The following SKOR2 variants were observed in gnomAD, a reference collection of about 807,000 sequenced individuals.
SKOR2 encodes the protein LBX1 corepressor 1-like protein.
In SKOR2, 47 loss-of-function variants were observed where a neutral mutation model predicts 69.1. The ratio of observed to expected loss-of-function variants is 0.68; its 90% confidence interval spans 0.54 to 0.87. The LOEUF (loss-of-function observed/expected upper bound fraction) is 0.87. Among genes scored for constraint, SKOR2 ranks in the 40% least tolerant of loss-of-function variants. SKOR2 has a pLI of 0.00. For synonymous variants in SKOR2, 717 were observed against 672.6 expected, an observed-to-expected ratio of 1.07 and a Z score of -1.02; for missense variants, 1,404 against 1,472.2, an observed-to-expected ratio of 0.95 and a Z score of 0.76.
Position 47,248,624 on chromosome 18 carries a change from A to G in SKOR2, c.560T>C (p.Ile187Thr). The change falls in exon 2 of 9, where the codon ATT becomes ACT. Residue 187 changes from isoleucine to threonine, a missense_variant. Coordinates refer to ENST00000425639, the MANE Select transcript of SKOR2 (RefSeq NM_001278063.4). This position sits in a 1 kb window ranked among gnomAD's most constrained non-coding sequence, Gnocchi z 6.4. ...CNMYFSPNKF[I>T]FHSHRTPDAK... ...GTCGGGCGTGCGGTGGGAGTGGAAAATGAACTTGTTGGGCGAGAAGTACAT... is the reference window on the plus strand; with the variant it reads ...GTCGGGCGTGCGGTGGGAGTGGAAAGTGAACTTGTTGGGCGAGAAGTACAT... 6.4e-7 allele frequency: 1 copy of G among 1,553,148 alleles called. No homozygotes were observed. The highest frequency in any genetic ancestry group is 8.7e-7 in the Non-Finnish European group (1 of 1,154,820).
chr18:47,244,262 C>A (rs1005353235), intron 4 of SKOR2, among the ~76,000 whole-genome samples: 1 of 152,164 alleles, frequency 6.6e-6, no homozygotes, highest in Non-Finnish European at 1.5e-5. Flanking sequence ...AGGATAACAA[C>A]CTCGTTTGAC....
chr18:47,234,051 A>G (rs1304825673), intron 4 of SKOR2, among the ~76,000 whole-genome samples: 1 of 152,216 alleles, frequency 6.6e-6, no homozygotes, highest in Non-Finnish European at 1.5e-5. Flanking sequence ...CGAATGCCTC[A>G]CTTACAAAGG....
In SKOR2 at chr18:47,248,424, G is replaced by C. The variant is rs1273026589; in HGVS notation, c.760C>G (p.His254Asp). 1 of 1,532,016 alleles carries C rather than the reference G, an allele frequency of 6.5e-7. No individual in the cohort carries two copies. The highest frequency in any genetic ancestry group is 8.7e-7 in the Non-Finnish European group (1 of 1,144,632). 94.9% of individuals were successfully genotyped at this position (1,532,016 alleles called of 1,614,324 possible). A position where few individuals can be genotyped will look rare whatever the true frequency, so the allele number is the denominator to read the frequency against. ...LPQPGAHPAC[H>D]PLSSVKAAAV... ...GCCGCCTTCACAGAGCTGAGCGGGT[G>C]GCAGGCGGGGTGCGCGCCCGGCTGG... Residue 254 changes from histidine to aspartate, a missense_variant, in exon 2 of 9, where the codon CAC becomes GAC. Physicochemically the swap from His to Asp is moderately conservative, Grantham distance 81. Coordinates refer to ENST00000425639, the MANE Select transcript of SKOR2 (RefSeq NM_001278063.4). This position sits in a 1 kb window ranked among gnomAD's most constrained non-coding sequence, Gnocchi z 6.4.
intron 1 of SKOR2, among the ~76,000 whole-genome samples, chr18:47,251,122 G>C: frequency 7.0e-6 from 1 of 143,148 alleles, no homozygotes; most frequent in East Asian, 2.1e-4. Flanking sequence ...ATTATTTTTT[G>C]GGTGGGTGGG....
In SKOR2 at chr18:47,247,590, G is replaced by T; in HGVS notation, c.1594C>A (p.Pro532Thr). The change falls in exon 2 of 9, where the codon CCC becomes ACC. Residue 532 changes from proline to threonine, a missense_variant. This residue lies in a region of SKOR2 where 1,266 missense variants were observed against 1,309.9 expected (regional missense o/e 0.97). Coordinates refer to ENST00000425639, the MANE Select transcript of SKOR2 (RefSeq NM_001278063.4). This position sits in a 1 kb window ranked among gnomAD's most constrained non-coding sequence, Gnocchi z 6.6. ...GGGCCGTTGGCCACTACCTGCGGGG[G>T]CTGCCCCGGCGGGGGCGCGGCCTCG... ...SAEAAPPPGQ[P>T]PQVVANGPGS... 7.9e-7 allele frequency: 1 copy of T among 1,262,716 alleles called. No homozygotes were observed. The highest frequency in any genetic ancestry group is 9.9e-7 in the Non-Finnish European group (1 of 1,006,658). 78.2% of individuals were successfully genotyped at this position (1,262,716 alleles called of 1,614,324 possible).
chr18:47,244,207 GCT>G (rs2064260970), intron 4 of SKOR2, among the ~76,000 whole-genome samples: 2 of 152,092 alleles, frequency 1.3e-5, no homozygotes, highest in South Asian at 4.2e-4. Context: ...TTCCTAGCTT[GCT>G]CTCTCTGTCT....
chr18:47,222,956 T>A (rs908047317), intron 6 of SKOR2, among the ~76,000 whole-genome samples: 3 of 151,566 alleles, frequency 2.0e-5, no homozygotes, highest in Non-Finnish European at 4.4e-5. Context: ...TAATGGCAAA[T>A]TTTTTTTTAA....
At position 47,248,140 on chromosome 18, in the gene SKOR2, A is replaced by G. The variant is rs2144518497; in HGVS notation, c.1044T>C (p.Gly348=). Residue 348 remains glycine, a synonymous_variant, in exon 2 of 9, where the codon GGT becomes GGC. Transcript: ENST00000425639. This position sits in a 1 kb window ranked among gnomAD's most constrained non-coding sequence, Gnocchi z 6.4. ...VAAASGGAGT[G]GGGAGGGCVA... is the part of the protein sequence containing the mutation. ...CACAGCCACCCCCAGCGCCGCCCCC[A>G]CCAGTCCCCGCGCCGCCCGAAGCAG... is the stretch of plus-strand genomic sequence containing the variant. 2 of 1,270,776 alleles carry G rather than the reference A, an allele frequency of 1.6e-6. No individual in the cohort carries two copies. Among genetic ancestry groups the G allele is most frequent in the South Asian group, 3.0e-5 (1 of 33,466 alleles). The allele number at this position is 1,270,776 out of a possible 1,614,324, so 78.7% of individuals were successfully genotyped here. A position where few individuals can be genotyped will look rare whatever the true frequency, so the allele number is the denominator to read the frequency against.
chr18:47,245,478 A>AT lies in SKOR2; in HGVS notation c.2677+19dup, dbSNP rs10670977. 7.5e-3 allele frequency: 8,938 copies of AT among 1,196,668 alleles called. 26 individuals are homozygous for AT. The highest frequency in any genetic ancestry group is 0.026 in the African/African-American group (1,137 of 43,742). 74.1% of individuals were successfully genotyped at this position (1,196,668 alleles called of 1,614,324 possible). The stretch of plus-strand genomic sequence containing the variant: ...ATGCAGGCAAGAAAAGTGGCAGCTG[A>AT]TTTTTTTTTTTTTTTTTACCTGAAA... On this transcript the variant is annotated intron_variant, in intron 3 of 8. Coordinates refer to ENST00000425639, the MANE Select transcript of SKOR2 (RefSeq NM_001278063.4).
chr18:47,243,978 GAT>G (rs1169220216), intron 4 of SKOR2, among the ~76,000 whole-genome samples: 7 of 152,126 alleles, frequency 4.6e-5, no homozygotes, highest in Non-Finnish European at 7.4e-5. Context: ...AATATCTGAT[GAT>G]ATATAAAGCT....
chr18:47,247,652 AG>A lies in SKOR2; in HGVS notation c.1531del (p.Leu511TrpfsTer25). ...AGCACCGCCTGGCTCAGCCAGGTCC[AG>A]GAAGGCCTGGCGCAGCAGGGCCGGG... ...ESPALLRQAF[L>X]DLAEPGGAAG... is the part of the protein sequence containing the mutation. On this transcript the variant is annotated frameshift_variant, in exon 2 of 9. Transcript: ENST00000425639. LOFTEE classifies it high-confidence loss of function. This position sits in a 1 kb window ranked among gnomAD's most constrained non-coding sequence, Gnocchi z 6.6. 1 of 1,363,428 alleles carries A rather than the reference AG, an allele frequency of 7.3e-7. No homozygotes were observed. The highest frequency in any genetic ancestry group is 9.4e-7 in the Non-Finnish European group (1 of 1,061,742). The allele number at this position is 1,363,428 out of a possible 1,614,324, so 84.5% of individuals were successfully genotyped here.
chr18:47,251,230 C>T (rs1324697735), intron 1 of SKOR2, 144 bp downstream of exon 1: 1 of 152,332 alleles, frequency 6.6e-6, no homozygotes, highest in Non-Finnish European at 1.5e-5. Context: ...CCACCCCCAA[C>T]TTAGTTCTCC....
At position 47,246,870 on chromosome 18, in the gene SKOR2, C is replaced by T. The variant is rs1396375853; in HGVS notation, c.2314G>A (p.Glu772Lys). Residue 772 changes from glutamate (E) to lysine (K), a missense_variant, in exon 2 of 9, where the codon GAG becomes AAG. Around this residue, in one of 3 missense-constraint regions of SKOR2, gnomAD observed 1,266 missense variants for 1,309.9 expected, o/e 0.97. Transcript: ENST00000425639. The stretch of plus-strand genomic sequence containing the variant: ...GGGTCGCCGAGTAGGACCTCCGTCT[C>T]CTCGTCCTCTTCCTCGTCGTCGTCA... ...DPDDDEEEDE[E>K]TEVLLGDPLV... is the part of the protein sequence containing the mutation. The T allele has an allele frequency of 6.7e-7, 1 of 1,492,956 alleles. No homozygotes were observed. The highest frequency in any genetic ancestry group is 1.3e-5 in the South Asian group (1 of 78,848). The allele number at this position is 1,492,956 out of a possible 1,614,324, so 92.5% of individuals were successfully genotyped here.
intron 4 of SKOR2, among the ~76,000 whole-genome samples, chr18:47,244,457 G>T (rs989954795): frequency 1.3e-5 from 2 of 152,084 alleles, no homozygotes; most frequent in African/African-American, 4.8e-5. Context: ...GTAAAAGGTG[G>T]TTTCATTTAA....
Position 47,247,938 on chromosome 18 carries a change from C to A in SKOR2, c.1246G>T (p.Ala416Ser). Reference protein sequence around the residue: ...PHPYTFPAAAAAFSLCHKKED... With the variant: ...PHPYTFPAAASAFSLCHKKED... The stretch of plus-strand genomic sequence containing the variant: ...TTCTTATGGCACAAGCTGAAGGCGG[C>A]GGCCGCGGCAGGGAAGGTGTAGGGG... Residue 416 changes from alanine to serine, a missense_variant, in exon 2 of 9, where the codon GCC (alanine) becomes TCC (serine). Ala to Ser is a moderately conservative substitution (Grantham distance 99). Around this residue, in one of 3 missense-constraint regions of SKOR2, gnomAD observed 1,266 missense variants for 1,309.9 expected, o/e 0.97. Coordinates refer to ENST00000425639, the MANE Select transcript of SKOR2 (RefSeq NM_001278063.4). This position sits in a 1 kb window ranked among gnomAD's most constrained non-coding sequence, Gnocchi z 6.6. 7.3e-7 allele frequency: 1 copy of A among 1,366,184 alleles called. No homozygotes were observed. Among genetic ancestry groups the A allele is most frequent in the South Asian group, 1.8e-5 (1 of 56,478 alleles). 84.6% of individuals were successfully genotyped at this position (1,366,184 alleles called of 1,614,324 possible). A position where few individuals can be genotyped will look rare whatever the true frequency, so the allele number is the denominator to read the frequency against.
In SKOR2 at chr18:47,248,792, A is replaced by G; in HGVS notation, c.392T>C (p.Leu131Pro). Residue 131 changes from leucine (L) to proline (P), a missense_variant, in exon 2 of 9, where the codon CTG becomes CCG. Around this residue, in one of 3 missense-constraint regions of SKOR2, gnomAD observed 1,266 missense variants for 1,309.9 expected, o/e 0.97. Coordinates refer to ENST00000425639, the MANE Select transcript of SKOR2 (RefSeq NM_001278063.4). The surrounding 1 kb of genome is among the most constrained non-coding windows in gnomAD (Gnocchi z 6.4). ...CAGCTTGGGCGGCCTGTTTTCGCCC[A>G]GGAACGACTTGCACAGACGCTCGGC... is the stretch of plus-strand genomic sequence containing the variant. ...REAERLCKSF[L>P]GENRPPKLPD... The G allele has an allele frequency of 6.4e-7, 1 of 1,553,358 alleles. No homozygotes were observed. The highest frequency in any genetic ancestry group is 2.4e-5 in the East Asian group (1 of 41,934).
intron 4 of SKOR2, among the ~76,000 whole-genome samples, chr18:47,235,413 A>G (rs1027978045): frequency 9.9e-5 from 15 of 152,180 alleles, no homozygotes; most frequent in Non-Finnish European, 1.5e-5. Context: ...AGGTGTCCAC[A>G]CCAGGACTTT....
chr18:47,248,384 G>GCGGCGGCCA lies in SKOR2; in HGVS notation c.791_799dup (p.Val264_Ala266dup), dbSNP rs1185680080. On this transcript the variant is annotated inframe_insertion, in exon 2 of 9. Transcript: ENST00000425639. The surrounding 1 kb of genome is among the most constrained non-coding windows in gnomAD (Gnocchi z 6.4). ...ACCCCCGCCTCCGGCCACCGCGGCC[G>GCGGCGGCCA]CGGCGGCCACGGCGGCCGCCTTCAC... is the stretch of plus-strand genomic sequence containing the variant. 3.3e-5 allele frequency: 43 copies of GCGGCGGCCA among 1,302,452 alleles called. No individual in the cohort carries two copies. The highest frequency in any genetic ancestry group is 4.7e-5 in the South Asian group (2 of 42,600). The allele number at this position is 1,302,452 out of a possible 1,614,324, so 80.7% of individuals were successfully genotyped here.
chr18:47,212,289 C>T (rs1568082575), intron 7 of SKOR2, 138 bp from the exon 8 acceptor site: 2 of 714,634 alleles, frequency 2.8e-6, no homozygotes, highest in East Asian at 3.5e-5. Context: ...ATCTGCTCAG[C>T]GGTATGAGGT....
Sources: allele counts gnomAD v4.1 joint callset (sites outside exome capture counted in the v4.1 genomes callset), GRCh38; gene constraint gnomAD v4.1.1; regional missense constraint gnomAD v4.1.1; non-coding constraint Gnocchi (gnomAD v3.1); transcripts MANE v1.5; gene names NCBI Gene and HGNC (gene_info 2026-07-23, HGNC 2026-07-21).